CLYBL: variants seen among roughly 807,000 people sequenced by gnomAD.
The protein encoded by CLYBL is citramalyl-CoA lyase.
A neutral mutation model predicts 38.9 loss-of-function variants in CLYBL; 31 were observed. The ratio of observed to expected loss-of-function variants is 0.80; its 90% CI spans 0.60 to 1.08. The LOEUF is 1.08. Among genes scored for constraint, CLYBL ranks in the 50% least tolerant of loss-of-function variants. The pLI is 0.00. For synonymous variants in CLYBL, 171 were observed against 158.6 expected (o/e 1.08, Z -0.59); for missense variants, 434 against 411.6 (o/e 1.05, Z -0.47).
chr13:99,871,062 G>T lies in CLYBL; in HGVS notation c.927G>T (p.Lys309Asn), dbSNP rs983523023. The change falls in exon 7 of 9, where the codon AAG becomes AAT. Residue 309 changes from lysine to asparagine, a missense_variant and splice_region_variant. Physicochemically the swap from Lys to Asn is moderately conservative, Grantham distance 94. Coordinates refer to ENST00000339105, the MANE Select transcript of CLYBL (RefSeq NM_206808.5). ...TTAAAGAACATCAACAATTAGGAAA[G>T]GTAAATGTTTTGTTAATGCCTTGGG... Reference protein sequence around the residue: ...AAFKEHQQLGKGAFTFQGSMI... With the variant: ...AAFKEHQQLGNGAFTFQGSMI... 1.2e-6 allele frequency: 2 copies of T among 1,613,726 alleles called. No individual in the cohort carries two copies. The highest frequency in any genetic ancestry group is 1.7e-6 in the Non-Finnish European group (2 of 1,179,784).
intron 1 of CLYBL, among the ~76,000 whole-genome samples, chr13:99,614,022 G>A (rs2046669157): frequency 6.6e-6 from 1 of 152,164 alleles, no homozygotes; most frequent in Non-Finnish European, 1.5e-5. Flanking sequence ...TTAGGTCCCA[G>A]CAAACCAGGA....
intron 7 of CLYBL, among the ~76,000 whole-genome samples, chr13:99,886,817 G>T (rs541425702): frequency 6.6e-6 from 1 of 152,272 alleles, no homozygotes; most frequent in South Asian, 2.1e-4. Context: ...GTTGCATCAG[G>T]TAGCACCTGC....
At chr13:99,640,877 G>A (rs556390996) in intron 1 of CLYBL, among the ~76,000 whole-genome samples, 2 of 152,288 alleles carry the variant, frequency 1.3e-5, no homozygotes, top group South Asian at 4.1e-4. Flanking sequence ...GGATATATAC[G>A]AATATATGGT....
At chr13:99,893,821 C>A (rs1319737199), downstream of CLYBL, 4 of 152,508 alleles carry the variant, frequency 2.6e-5, no homozygotes, top group Non-Finnish European at 5.9e-5. Flanking sequence ...ACCGGCTAGG[C>A]CTCCCGCTGC....
intron 7 of CLYBL, among the ~76,000 whole-genome samples, chr13:99,889,763 T>A (rs1011021357): frequency 6.6e-6 from 1 of 152,208 alleles, no homozygotes; most frequent in African/African-American, 2.4e-5. Context: ...CCATCCTATG[T>A]ATAACCGTAA....
At chr13:99,907,726 G>A (rs2052711194) in intron 9 of CLYBL, among the ~76,000 whole-genome samples, 1 of 152,170 alleles carries the variant, frequency 6.6e-6, no homozygotes, top group South Asian at 2.1e-4. Flanking sequence ...GGGCATGGTA[G>A]TGCTTGCTTG....
At chr13:99,908,579 G>C (rs1362282237) in exon 10 of CLYBL, among the ~76,000 whole-genome samples, 1 of 152,110 alleles carries the variant, frequency 6.6e-6, no homozygotes, top group Non-Finnish European at 1.5e-5. Flanking sequence ...CCTTAGGTAA[G>C]GTAAAATAGG....
chr13:99,759,525 A>G (rs1248369566), intron 1 of CLYBL, among the ~76,000 whole-genome samples: 2 of 152,028 alleles, frequency 1.3e-5, no homozygotes. Flanking sequence ...GGAGTGATGC[A>G]CCTCTGATGT....
At chr13:99,908,471 C>T (rs183693331) in exon 10 of CLYBL, among the ~76,000 whole-genome samples, 5 of 152,346 alleles carry the variant, frequency 3.3e-5, no homozygotes, top group East Asian at 1.9e-4. Flanking sequence ...AGCCCCGCCT[C>T]GCAGTGTGGA....
At chr13:99,672,308 G>A (rs1219111269) in intron 1 of CLYBL, among the ~76,000 whole-genome samples, 1 of 151,306 alleles carries the variant, frequency 6.6e-6, no homozygotes. Flanking sequence ...CTGGGCTCAA[G>A]TGATCCTCCC....
At chr13:99,626,110 G>A (rs2046866190) in intron 1 of CLYBL, among the ~76,000 whole-genome samples, 1 of 152,224 alleles carries the variant, frequency 6.6e-6, no homozygotes, top group East Asian at 1.9e-4. Context: ...TGCCATGGCC[G>A]GTGGTGAAGC....
chr13:99,634,152 A>G (rs1307320222), intron 1 of CLYBL, among the ~76,000 whole-genome samples: 2 of 152,228 alleles, frequency 1.3e-5, no homozygotes, highest in Admixed American at 1.3e-4. Flanking sequence ...CAGAAGGAAC[A>G]ATAATATAAC....
At chr13:99,650,471 C>T (rs1467627162) in intron 1 of CLYBL, among the ~76,000 whole-genome samples, 1 of 152,174 alleles carries the variant, frequency 6.6e-6, no homozygotes, top group African/African-American at 2.4e-5. Flanking sequence ...TGTTAGAAAC[C>T]TCAGTTGCCC....
chr13:99,866,403 C>A lies in CLYBL; in HGVS notation c.798C>A (p.Phe266Leu). 2 of 1,610,086 alleles carry A rather than the reference C, an allele frequency of 1.2e-6. No individual in the cohort carries two copies. The highest frequency in any genetic ancestry group is 1.7e-6 in the Non-Finnish European group (2 of 1,179,178). The change falls in exon 6 of 9, where the codon TTC (phenylalanine) becomes TTA (leucine). Residue 266 changes from phenylalanine (F) to leucine (L), a missense_variant. Physicochemically the swap from Phe to Leu is conservative, Grantham distance 22 (BLOSUM62 0). Coordinates refer to ENST00000339105, the MANE Select transcript of CLYBL (RefSeq NM_206808.5). ...RQSREGAAMG[F>L]TGKQVIHPNQ... ...CACGAGAAGGAGCCGCCATGGGCTT[C>A]ACTGGTATGATTCCTGTCTTAGAAA...
At chr13:99,758,719 A>G (rs1177983129) in intron 1 of CLYBL, among the ~76,000 whole-genome samples, 1 of 152,210 alleles carries the variant, frequency 6.6e-6, no homozygotes, top group Non-Finnish European at 1.5e-5. Flanking sequence ...CAGAGTCTGC[A>G]ACAGAACCTG....
chr13:99,714,914 A>T (rs1375207533), intron 1 of CLYBL, among the ~76,000 whole-genome samples: 2 of 152,004 alleles, frequency 1.3e-5, no homozygotes, highest in Non-Finnish European at 2.9e-5. Flanking sequence ...ATACCACTAT[A>T]CTCTAGCCTG....
At chr13:99,903,250 G>A (rs1426670837) in intron 8 of CLYBL, among the ~76,000 whole-genome samples, 2 of 152,238 alleles carry the variant, frequency 1.3e-5, no homozygotes, top group Admixed American at 1.3e-4. Flanking sequence ...ATGAAATCAG[G>A]AGCCTGCTGG....
At chr13:99,743,942 ACTTT>A (rs1261108555) in intron 1 of CLYBL, among the ~76,000 whole-genome samples, 4 of 129,854 alleles carry the variant, frequency 3.1e-5, no homozygotes, top group Non-Finnish European at 6.6e-5. Context: ...TCTACACTCC[ACTTT>A]CTTTTTTTTT....
Position 99,618,722 on chromosome 13 carries a change from C to G in CLYBL, c.62+11965C>G, listed in dbSNP as rs9585149. On this transcript the variant is annotated intron_variant, in intron 1 of 8. Coordinates refer to ENST00000339105, the MANE Select transcript of CLYBL (RefSeq NM_206808.5). ...CACTAACTCCCTGTTCCCTTCCCCC[C>G]ACCCAGCCCCTGGTAACCACCATTC... is the stretch of plus-strand genomic sequence containing the variant. 7.6e-3 allele frequency among the ~76,000 whole-genome samples: 1,162 copies of G among 152,312 alleles called. 15 individuals are homozygous for G. The highest frequency in any genetic ancestry group is 0.026 in the African/African-American group (1,090 of 41,572).
Sources: gnomAD v4.1 joint callset for allele counts (sites outside exome capture counted in the v4.1 genomes callset) on GRCh38, gnomAD v4.1.1 for gene constraint, MANE v1.5 for transcripts, NCBI Gene and HGNC (gene_info 2026-07-23, HGNC 2026-07-21) for gene names.